The following RAD54L2 variants were observed in gnomAD, a reference collection of about 807,000 sequenced individuals.
RAD54L2 encodes the protein helicase ARIP4.
Under a neutral mutation model 138.4 loss-of-function variants are expected in RAD54L2, and 27 were observed. The observed-to-expected ratio is 0.20, with a 90% confidence interval of 0.14 to 0.27. RAD54L2 has a LOEUF of 0.27. Ranked by LOEUF, RAD54L2 falls within the 10% of genes least tolerant of loss-of-function variation. The pLI is 1.00. For synonymous variants in RAD54L2, 644 were observed against 723.2 expected (o/e 0.89, Z 1.76); for missense variants, 1,396 against 1,890.2 (o/e 0.74, Z 4.85).
intron 2 of RAD54L2, among the ~76,000 whole-genome samples, chr3:51,559,097 A>G (rs62257555): frequency 0.036 from 5,517 of 151,330 alleles, 138 homozygotes; most frequent in Non-Finnish European, 0.058. Flanking sequence ...CTGGTCTCAA[A>G]CTCCTGACCT....
At chr3:51,583,934 A>T (rs1259520480) in intron 2 of RAD54L2, among the ~76,000 whole-genome samples, 1 of 150,264 alleles carries the variant, frequency 6.7e-6, no homozygotes, top group East Asian at 2.0e-4. Context: ...TAATTTTGAC[A>T]TTGTGGTTCC....
intron 2 of RAD54L2, among the ~76,000 whole-genome samples, chr3:51,571,496 A>G (rs1430796165): frequency 7.9e-5 from 12 of 151,032 alleles, no homozygotes; most frequent in East Asian, 5.9e-4. Context: ...GGTTCAAGCA[A>G]TTCTCCCTCA....
Position 51,570,333 on chromosome 3 carries a change from G to C in RAD54L2, c.-54-20034G>C, listed in dbSNP as rs866947632. ...TAACTTTTGTATTTTTAGTAGAGAT[G>C]GGATTTCACCATCTTGGCCAGGCTG... On this transcript the variant is annotated intron_variant, in intron 2 of 22. Transcript: ENST00000684192. 6.0e-5 allele frequency among the ~76,000 whole-genome samples: 9 copies of C among 150,140 alleles called. 1 individual carries two copies. The South Asian group carries it at 1.9e-3, about 32-fold the overall frequency.
intron 15 of RAD54L2, among the ~76,000 whole-genome samples, chr3:51,642,566 G>C (rs1159826091): frequency 2.0e-5 from 3 of 152,098 alleles, no homozygotes; most frequent in African/African-American, 7.2e-5. Flanking sequence ...TTTGTTATAA[G>C]GGGCTGTCCT....
intron 19 of RAD54L2, among the ~76,000 whole-genome samples, chr3:51,647,322 C>T (rs1011054382): frequency 1.3e-5 from 2 of 152,160 alleles, no homozygotes; most frequent in African/African-American, 2.4e-5. Context: ...CACACCTCAG[C>T]CTCCCAAGTA....
chr3:51,640,913 C>T (rs775315467), intron 14 of RAD54L2, among the ~76,000 whole-genome samples: 9 of 152,166 alleles, frequency 5.9e-5, no homozygotes, highest in African/African-American at 1.9e-4. Context: ...TGGTGGTAGT[C>T]GTAAGTATGT....
chr3:51,613,240 C>T (rs947994780), intron 3 of RAD54L2, among the ~76,000 whole-genome samples: 3 of 152,060 alleles, frequency 2.0e-5, no homozygotes, highest in African/African-American at 4.8e-5. Flanking sequence ...CCCGGCCCCA[C>T]GCATGTGGTT....
intron 3 of RAD54L2, among the ~76,000 whole-genome samples, chr3:51,598,119 G>GTGTATA (rs1553682143): frequency 4.6e-4 from 67 of 146,186 alleles, no homozygotes; most frequent in African/African-American, 1.5e-3. Context: ...ATGTGTGTGT[G>GTGTATA]TATATATATA....
rs747514764 is a variant in RAD54L2 at position 51,629,358 on chromosome 3, G to A, written c.366G>A (p.Leu122=). Residue 122 remains leucine, a synonymous_variant, in exon 5 of 23, where the codon TTG becomes TTA. Transcript: ENST00000684192. ...GAAAGCTACTCCGGGAGGATCAATT[G>A]GAGCCTGTTACCAAAGCAGCACAGC... ...NIRKLLREDQ[L]EPVTKAAQQE... 1.3e-6 allele frequency: 2 copies of A among 1,594,788 alleles called. No homozygotes were observed. Among genetic ancestry groups the A allele is most frequent in the Admixed American group, 3.5e-5 (2 of 56,492 alleles).
chr3:51,609,698 TTGTGTGTGTGTGTGTGTG>T (rs5848928), intron 3 of RAD54L2, among the ~76,000 whole-genome samples: 30 of 141,180 alleles, frequency 2.1e-4, no homozygotes, highest in African/African-American at 3.7e-4. Context: ...TTGTGGGCAT[TTGTGTGTGTGTGTGTGTG>T]TGTGTGTGTG....
chr3:51,595,909 TTTTC>T (rs1439639949), intron 3 of RAD54L2, among the ~76,000 whole-genome samples: 6 of 149,888 alleles, frequency 4.0e-5, no homozygotes, highest in Admixed American at 1.3e-4. Context: ...ATATAATAGT[TTTTC>T]TTTCTTTCAT....
intron 2 of RAD54L2, among the ~76,000 whole-genome samples, chr3:51,566,725 T>C (rs948418187): frequency 6.6e-6 from 1 of 152,060 alleles, no homozygotes; most frequent in Non-Finnish European, 1.5e-5. Flanking sequence ...TGAGTAAGGC[T>C]TTATCTGTGG....
chr3:51,561,288 C>T (rs768619052), intron 2 of RAD54L2, among the ~76,000 whole-genome samples: 3 of 152,222 alleles, frequency 2.0e-5, no homozygotes, highest in Non-Finnish European at 4.4e-5. Flanking sequence ...CTCTGTTACC[C>T]AGGCTGGAGT....
intron 2 of RAD54L2, among the ~76,000 whole-genome samples, chr3:51,554,441 T>A (rs943852913): frequency 6.6e-6 from 1 of 151,854 alleles, no homozygotes; most frequent in Non-Finnish European, 1.5e-5. Flanking sequence ...GGAGAATCAC[T>A]TGAACCCGGG....
At chr3:51,598,014 T>C (rs1322420410) in intron 3 of RAD54L2, among the ~76,000 whole-genome samples, 1 of 146,802 alleles carries the variant, frequency 6.8e-6, no homozygotes, top group African/African-American at 2.5e-5. Flanking sequence ...CCAGAACTCC[T>C]GAGAGAGAGA....
chr3:51,657,734 T>G, intron 21 of RAD54L2, 65 bp downstream of exon 21: 3 of 1,125,374 alleles, frequency 2.7e-6, no homozygotes, highest in Non-Finnish European at 3.9e-6. Context: ...GGAAGAAGAA[T>G]AAATACATAT....
chr3:51,637,073 C>T lies in RAD54L2; in HGVS notation c.1340-88C>T. The T allele has an allele frequency of 8.6e-7, 1 of 1,164,226 alleles. No individual in the cohort carries two copies. The highest frequency in any genetic ancestry group is 1.2e-6 in the Non-Finnish European group (1 of 808,788). 72.1% of individuals were successfully genotyped at this position (1,164,226 alleles called of 1,614,324 possible). ...TTCCTGCTTCCTTCATTTCTTCTGT[C>T]TCCTCCAGGGTGCACCCCTACTTCT... is the stretch of plus-strand genomic sequence containing the variant. On this transcript the variant is annotated intron_variant, in intron 10 of 22. Coordinates refer to ENST00000684192, the MANE Select transcript of RAD54L2 (RefSeq NM_015106.4). This position sits in a 1 kb window ranked among gnomAD's most constrained non-coding sequence, Gnocchi z 5.9.
chr3:51,570,204 C>T (rs975007510), intron 2 of RAD54L2, among the ~76,000 whole-genome samples: 5 of 137,930 alleles, frequency 3.6e-5, no homozygotes, highest in African/African-American at 5.6e-5. Context: ...AGTGCAGTGG[C>T]GCGATCTCAG....
chr3:51,630,820 C>G lies in RAD54L2; in HGVS notation c.714C>G (p.Val238=), dbSNP rs762067956. The change falls in exon 7 of 23, where the codon GTC becomes GTG. Residue 238 remains valine (V), a synonymous_variant. Transcript: ENST00000684192. Reference sequence around the variant, plus strand: ...AGGGTGGCACCCATGTCAATGATGTCTTAAACCAGCGTGACGCCCTTGGGC... The same window carrying G: ...AGGGTGGCACCCATGTCAATGATGTGTTAAACCAGCGTGACGCCCTTGGGC... ...EEKGGTHVND[V]LNQRDALGRV... is the part of the protein sequence containing the mutation. 31 of 1,614,022 alleles carry G rather than the reference C, an allele frequency of 1.9e-5. No individual in the cohort carries two copies. In the South Asian group the frequency reaches 3.2e-4, roughly 17 times the overall value.
Sources: gnomAD v4.1 joint callset for allele counts (sites outside exome capture counted in the v4.1 genomes callset) on GRCh38, gnomAD v4.1.1 for gene constraint, Gnocchi (gnomAD v3.1) non-coding constraint, MANE v1.5 for transcripts, NCBI Gene and HGNC (gene_info 2026-07-23, HGNC 2026-07-21) for gene names.